The following PRKG2 variants were observed in gnomAD, a reference collection of about 807,000 sequenced individuals.
PRKG2 encodes protein kinase cGMP-dependent 2, also known as cGMP-dependent protein kinase 2.
PRKG2 carries 33 observed loss-of-function variants against 97.2 expected under a neutral mutation model. That is an observed-to-expected ratio of 0.34 (90% CI 0.26 to 0.45). The LOEUF (loss-of-function observed/expected upper bound fraction) is 0.45. PRKG2 is among the 20% of genes least tolerant of loss of function. The probability of loss-of-function intolerance (pLI) is 1.00; values close to 1 mark genes in which losing one functional copy is unlikely to be tolerated. For missense variants in PRKG2, 638 were observed against 900.0 expected, an observed-to-expected ratio of 0.71 and a Z score of 3.73; for synonymous variants, 330 against 321.8, an observed-to-expected ratio of 1.03 and a Z score of -0.27.
At chr4:81,132,404 A>G (rs1185713361) in intron 14 of PRKG2, among the ~76,000 whole-genome samples, 10 of 152,208 alleles carry the variant, frequency 6.6e-5, no homozygotes, top group Admixed American at 6.5e-4. Context: ...TAATTTGCTA[A>G]GACCTCTATT....
intron 14 of PRKG2, among the ~76,000 whole-genome samples, chr4:81,117,984 C>T (rs751501035): frequency 6.6e-6 from 1 of 152,130 alleles, no homozygotes; most frequent in Non-Finnish European, 1.5e-5. Context: ...CCTCTGTGTC[C>T]TGCCTATTCA....
intron 10 of PRKG2, among the ~76,000 whole-genome samples, chr4:81,143,214 A>G (rs1469494086): frequency 6.6e-6 from 1 of 152,196 alleles, no homozygotes; most frequent in African/African-American, 2.4e-5. Context: ...AAATGGGTAT[A>G]GTTTGTGGTA....
intron 1 of PRKG2, among the ~76,000 whole-genome samples, chr4:81,210,917 C>T (rs1473950959): frequency 2.6e-5 from 4 of 152,046 alleles, no homozygotes; most frequent in Non-Finnish European, 5.9e-5. Context: ...ACTTTAAATG[C>T]ATATTGCTGG....
At chr4:81,152,310 C>T (rs1748485317) in intron 7 of PRKG2, among the ~76,000 whole-genome samples, 1 of 152,090 alleles carries the variant, frequency 6.6e-6, no homozygotes, top group Non-Finnish European at 1.5e-5. Context: ...AACTCCACCT[C>T]CTAAAGTTAA....
chr4:81,168,747 T>C (rs535521112), intron 5 of PRKG2, among the ~76,000 whole-genome samples: 1 of 152,230 alleles, frequency 6.6e-6, no homozygotes, highest in African/African-American at 2.4e-5. Flanking sequence ...AGTAAGATTC[T>C]AGATGAGAAA....
intron 2 of PRKG2, among the ~76,000 whole-genome samples, chr4:81,188,629 T>A (rs1752122653): frequency 7.7e-6 from 1 of 129,230 alleles, no homozygotes; most frequent in Non-Finnish European, 1.5e-5. Flanking sequence ...AACCCAAATG[T>A]CCAACAATGA....
chr4:81,181,127 AC>A (rs1376028529), intron 2 of PRKG2, among the ~76,000 whole-genome samples: 1 of 152,040 alleles, frequency 6.6e-6, no homozygotes, highest in Non-Finnish European at 1.5e-5. Context: ...ATAAAAACTG[AC>A]CACATGGCAA....
chr4:81,211,276 CT>C (rs1753958759), intron 1 of PRKG2, among the ~76,000 whole-genome samples: 1 of 152,066 alleles, frequency 6.6e-6, no homozygotes, highest in Non-Finnish European at 1.5e-5. Flanking sequence ...GGGGAAAGTG[CT>C]AAGAGGTGGG....
At chr4:81,213,360 C>T (rs1371167477) in intron 1 of PRKG2, among the ~76,000 whole-genome samples, 1 of 151,978 alleles carries the variant, frequency 6.6e-6, no homozygotes, top group Non-Finnish European at 1.5e-5. Context: ...AAGCAAACCA[C>T]AAAGGAGAAG....
rs1034020990 is a variant in PRKG2, at chr4:81,184,716, C to T, written c.462-9757G>A. Among the ~76,000 whole-genome samples, 2 of 152,028 alleles carry T rather than the reference C, an allele frequency of 1.3e-5. 1 individual carries two copies. Among genetic ancestry groups the T allele is most frequent in the Non-Finnish European group, 2.9e-5 (2 of 68,010 alleles). ...TCTGAGATAAGGGAGCATGTTCTAA[C>T]CCAATGCAAGGAAACTAAGAATGTT... On this transcript the variant is annotated intron_variant, in intron 2 of 18. Coordinates refer to ENST00000264399, the MANE Select transcript of PRKG2 (RefSeq NM_006259.3).
Position 81,153,703 on chromosome 4 carries a change from C to T in PRKG2, c.931G>A (p.Asp311Asn). The T allele has an allele frequency of 6.2e-7, 1 of 1,606,886 alleles. No homozygotes were observed. The highest frequency in any genetic ancestry group is 8.5e-7 in the Non-Finnish European group (1 of 1,173,542). The change falls in exon 7 of 19, where the codon GAT becomes AAT. Residue 311 changes from aspartate (D) to asparagine (N), a missense_variant. By Grantham distance (23) the Asp-to-Asn change is conservative (BLOSUM62 1). Coordinates refer to ENST00000264399, the MANE Select transcript of PRKG2 (RefSeq NM_006259.3). ...CLEVEYYDKG[D>N]YIIREGEEGS... ...TCCTCGCCCTCTCTAATGATGTAAT[C>T]TCCTTTGTCATAGTATTCCTGTTGG...
intron 1 of PRKG2, among the ~76,000 whole-genome samples, chr4:81,213,614 A>AT (rs1754119474): frequency 6.6e-6 from 1 of 152,210 alleles, no homozygotes; most frequent in South Asian, 2.1e-4. Flanking sequence ...CATGTGAGGG[A>AT]TTTTTAAAAT....
chr4:81,110,413 G>A (rs749422859), intron 15 of PRKG2, 35 bp downstream of exon 15: 1 of 1,585,710 alleles, frequency 6.3e-7, no homozygotes, highest in Non-Finnish European at 8.6e-7. Flanking sequence ...GCATTTCTCT[G>A]AAGAGGTGGC....
At chr4:81,176,455 C>A (rs1290833062) in intron 2 of PRKG2, among the ~76,000 whole-genome samples, 1 of 152,108 alleles carries the variant, frequency 6.6e-6, no homozygotes, top group Non-Finnish European at 1.5e-5. Context: ...TCCACTAAAG[C>A]CAACTCACTT....
chr4:81,099,777 C>T (rs1742525478), intron 17 of PRKG2, among the ~76,000 whole-genome samples: 1 of 152,132 alleles, frequency 6.6e-6, no homozygotes, highest in Admixed American at 6.6e-5. Context: ...CAAATTGTCC[C>T]TGTTTGCAGA....
At chr4:81,153,153 C>A (rs1168828416) in intron 7 of PRKG2, among the ~76,000 whole-genome samples, 2 of 152,198 alleles carry the variant, frequency 1.3e-5, no homozygotes, top group African/African-American at 4.8e-5. Context: ...TTTGCATCAG[C>A]ATCTAAATTC....
At chr4:81,153,788 TCCA>T in intron 6 of PRKG2, 67 bp from the exon 7 acceptor site, 3 of 1,110,494 alleles carry the variant, frequency 2.7e-6, no homozygotes, top group Non-Finnish European at 4.1e-6. Flanking sequence ...TAGGAACAGC[TCCA>T]GTATACAGCT....
At chr4:81,116,533 T>C (rs1358512647) in intron 14 of PRKG2, among the ~76,000 whole-genome samples, 1 of 152,136 alleles carries the variant, frequency 6.6e-6, no homozygotes, top group Admixed American at 6.6e-5. Context: ...TACCTTTGGG[T>C]ATATACCCAA....
intron 12 of PRKG2, among the ~76,000 whole-genome samples, chr4:81,138,116 T>C (rs1746893960): frequency 6.6e-6 from 1 of 152,168 alleles, no homozygotes; most frequent in Non-Finnish European, 1.5e-5. Flanking sequence ...AGAGAGAGTA[T>C]GATCTTGAGC....
Sources: gnomAD v4.1 joint callset for allele counts (sites outside exome capture counted in the v4.1 genomes callset) on GRCh38, gnomAD v4.1.1 for gene constraint, MANE v1.5 for transcripts, NCBI Gene and HGNC (gene_info 2026-07-23, HGNC 2026-07-21) for gene names.